KCNIP1: variants seen among roughly 807,000 people sequenced by gnomAD.
The protein encoded by KCNIP1 is potassium voltage-gated channel interacting protein 1.
Under a neutral mutation model 33.0 loss-of-function variants are expected in KCNIP1, and 18 were observed. That is an observed-to-expected ratio of 0.55 (90% CI 0.38 to 0.81). The LOEUF (loss-of-function observed/expected upper bound fraction) is 0.81, where lower values mean the gene tolerates loss of function less well. Ranked by LOEUF, KCNIP1 falls within the 30% of genes least tolerant of loss-of-function variation. The pLI is 0.00. For synonymous variants in KCNIP1, 93 were observed against 98.3 expected (o/e 0.95, Z 0.32); for missense variants, 238 against 271.6 (o/e 0.88, Z 0.87).
intron 1 of KCNIP1, among the ~76,000 whole-genome samples, chr5:170,495,370 G>A (rs1433630599): frequency 2.6e-5 from 4 of 152,132 alleles, no homozygotes; most frequent in African/African-American, 9.7e-5. Context: ...TCTCCTTACC[G>A]GACTTGCCCA....
At chr5:170,453,386 T>C (rs547604939) in intron 1 of KCNIP1, among the ~76,000 whole-genome samples, 33 of 152,320 alleles carry the variant, frequency 2.2e-4, no homozygotes, top group African/African-American at 6.5e-4. Flanking sequence ...TTTTCACATA[T>C]TGCAGCCACC....
chr5:170,445,671 C>G (rs997805706), intron 1 of KCNIP1, among the ~76,000 whole-genome samples: 2 of 152,210 alleles, frequency 1.3e-5, no homozygotes, highest in Non-Finnish European at 2.9e-5. Flanking sequence ...GCCTCCTTCC[C>G]TCACAGGCAC....
chr5:170,570,469 C>T (rs1322027740), intron 1 of KCNIP1, among the ~76,000 whole-genome samples: 1 of 152,078 alleles, frequency 6.6e-6, no homozygotes, highest in East Asian at 1.9e-4. Context: ...TTGAGTGCCC[C>T]CAATAGGCAC....
intron 1 of KCNIP1, among the ~76,000 whole-genome samples, chr5:170,520,966 C>G (rs1755342252): frequency 6.6e-6 from 1 of 152,194 alleles, no homozygotes; most frequent in African/African-American, 2.4e-5. Flanking sequence ...TAATGCCTCC[C>G]TTCTTGGGTT....
intron 1 of KCNIP1, among the ~76,000 whole-genome samples, chr5:170,565,482 G>A (rs1757174467): frequency 6.6e-6 from 1 of 152,166 alleles, no homozygotes; most frequent in African/African-American, 2.4e-5. Context: ...CAGGGAAAGG[G>A]CAGATCTTTC....
intron 1 of KCNIP1, among the ~76,000 whole-genome samples, chr5:170,605,827 T>C (rs1758892866): frequency 6.9e-6 from 1 of 145,622 alleles, no homozygotes; most frequent in African/African-American, 2.6e-5. Flanking sequence ...CAGGCTGAAG[T>C]GCAGTGGCAC....
chr5:170,475,119 T>C (rs1219733648), intron 1 of KCNIP1, among the ~76,000 whole-genome samples: 3 of 152,098 alleles, frequency 2.0e-5, no homozygotes, highest in Admixed American at 6.5e-5. Flanking sequence ...AGAGCACTGA[T>C]TGGTACATTT....
At position 170,489,560 on chromosome 5, in the gene KCNIP1, T is replaced by C. The variant is rs1226604525; in HGVS notation, c.88+135596T>C. ...CCTCCCACTGGTGTGCACCCACACCTTCAGACAGTTCTGAGCAGACCACGC... is the reference window on the plus strand; with the variant it reads ...CCTCCCACTGGTGTGCACCCACACCCTCAGACAGTTCTGAGCAGACCACGC... On this transcript the variant is annotated intron_variant, in intron 1 of 7. Coordinates refer to the KCNIP1 transcript ENST00000377360. This position sits in a 1 kb window ranked among gnomAD's most constrained non-coding sequence, Gnocchi z 4.3. Among the ~76,000 whole-genome samples the C allele has an allele frequency of 1.3e-5, 2 of 152,046 alleles. No homozygotes were observed. The highest frequency in any genetic ancestry group is 3.2e-3 in the Middle Eastern group (1 of 316).
intron 1 of KCNIP1, among the ~76,000 whole-genome samples, chr5:170,658,701 C>T (rs1761363029): frequency 6.6e-6 from 1 of 152,148 alleles, no homozygotes; most frequent in African/African-American, 2.4e-5. Flanking sequence ...AGCACAGCAT[C>T]CAGGCCACAG....
intron 1 of KCNIP1, among the ~76,000 whole-genome samples, chr5:170,457,316 C>T (rs1328438180): frequency 2.0e-5 from 3 of 151,386 alleles, no homozygotes; most frequent in Non-Finnish European, 2.9e-5. Context: ...ACTGCAGGGG[C>T]CACCACCACC....
chr5:170,515,784 A>T (rs889693358), intron 1 of KCNIP1, among the ~76,000 whole-genome samples: 12 of 152,204 alleles, frequency 7.9e-5, no homozygotes, highest in Non-Finnish European at 1.8e-4. Context: ...TTTAGAGGAC[A>T]TTATAGATTA....
At position 170,598,838 on chromosome 5, in the gene KCNIP1, G is replaced by A. The variant is rs571499560; in HGVS notation, c.61+94205G>A. ...GATGCCAAAGCTGAAGCAGGATACT[G>A]AATGCAAACAGGCCCTGAGGCCATC... On this transcript the variant is annotated intron_variant, in intron 1 of 7. Transcript: ENST00000328939. 4.6e-5 allele frequency among the ~76,000 whole-genome samples: 7 copies of A among 152,102 alleles called. No individual in the cohort carries two copies. In the South Asian group the frequency reaches 1.5e-3, roughly 32 times the overall value.
At chr5:170,587,544 C>T (rs536559417) in intron 1 of KCNIP1, among the ~76,000 whole-genome samples, 11 of 151,846 alleles carry the variant, frequency 7.2e-5, no homozygotes, top group East Asian at 1.9e-4. Context: ...GTGTTCCTTC[C>T]GGGGGCTCCA....
chr5:170,446,148 AG>A (rs1756107900), intron 1 of KCNIP1, among the ~76,000 whole-genome samples: 1 of 152,194 alleles, frequency 6.6e-6, no homozygotes, highest in African/African-American at 2.4e-5. Context: ...CTCGGCCGTC[AG>A]TCATTACCCT....
chr5:170,447,201 A>ATGTCTTGTACATCTGCTGTATGCC (rs1290755452), intron 1 of KCNIP1, among the ~76,000 whole-genome samples: 2 of 152,148 alleles, frequency 1.3e-5, no homozygotes, highest in African/African-American at 2.4e-5. Flanking sequence ...CTCCTACTGC[A>ATGTCTTGTACATCTGCTGTATGCC]AGAGAGAGGC....
chr5:170,670,494 G>C (rs772949238), intron 1 of KCNIP1, among the ~76,000 whole-genome samples: 2 of 152,180 alleles, frequency 1.3e-5, no homozygotes, highest in Non-Finnish European at 2.9e-5. Context: ...CCTGAGCTCA[G>C]TTTCCCTGGG....
At chr5:170,516,426 G>A (rs1433679274) in intron 1 of KCNIP1, among the ~76,000 whole-genome samples, 1 of 152,040 alleles carries the variant, frequency 6.6e-6, no homozygotes, top group African/African-American at 2.4e-5. Context: ...CAGCATCTTC[G>A]AGCATCCCAG....
intron 1 of KCNIP1, chr5:170,389,728 G>T (rs10065857): frequency 0.081 from 12,348 of 152,300 alleles, 745 homozygotes; most frequent in African/African-American, 0.17. Flanking sequence ...GGTTGGGCTT[G>T]TCACTAGTCC....
At chr5:170,564,781 C>A (rs1757149428) in intron 1 of KCNIP1, among the ~76,000 whole-genome samples, 1 of 152,070 alleles carries the variant, frequency 6.6e-6, no homozygotes, top group African/African-American at 2.4e-5. Context: ...TCTTGCAGAA[C>A]AAACAGACAA....
Sources: gnomAD v4.1 joint callset for allele counts (sites outside exome capture counted in the v4.1 genomes callset) on GRCh38, gnomAD v4.1.1 for gene constraint, Gnocchi (gnomAD v3.1) non-coding constraint, MANE v1.5 for transcripts, NCBI Gene and HGNC (gene_info 2026-07-23, HGNC 2026-07-21) for gene names.